The following GMDS variants were observed in gnomAD, a reference collection of about 807,000 sequenced individuals.
GMDS encodes the protein GDP-mannose 4,6 dehydratase.
A neutral mutation model predicts 49.9 loss-of-function variants in GMDS; 20 were observed. The observed-to-expected ratio is 0.40, with a 90% CI of 0.28 to 0.58. The LOEUF (loss-of-function observed/expected upper bound fraction) is 0.58. Among genes scored for constraint, GMDS ranks in the 20% least tolerant of loss-of-function variants. The probability of loss-of-function intolerance (pLI) is 0.42; values close to 1 mark genes in which losing one functional copy is unlikely to be tolerated. For synonymous variants in GMDS, 177 were observed against 178.6 expected (o/e 0.99, Z 0.07); for missense variants, 362 against 481.4 (o/e 0.75, Z 2.32).
At chr6:2,073,547 A>G (rs73716932) in intron 4 of GMDS, among the ~76,000 whole-genome samples, 7,021 of 152,180 alleles carry the variant, frequency 0.046, 534 homozygotes, top group African/African-American at 0.16. Context: ...TATACAACAC[A>G]TTGTCACTAA....
At chr6:1,827,078 ATGTGTGTGTGTGTGTGTGTGTG>A (rs111813765) in intron 7 of GMDS, among the ~76,000 whole-genome samples, 3 of 125,230 alleles carry the variant, frequency 2.4e-5, no homozygotes, top group Admixed American at 1.7e-4. Context: ...AAAAATATAT[ATGTGTGTGTGTGTGTGTGTGTG>A]TGTGTGTGTG....
chr6:1,981,061 T>C (rs576735154), intron 4 of GMDS, among the ~76,000 whole-genome samples: 16 of 152,248 alleles, frequency 1.1e-4, no homozygotes, highest in Non-Finnish European at 2.4e-4. Flanking sequence ...GAAAAATTCA[T>C]AGCACTAAAT....
At chr6:1,645,292 C>A (rs1229123899) in intron 9 of GMDS, among the ~76,000 whole-genome samples, 2 of 152,158 alleles carry the variant, frequency 1.3e-5, no homozygotes, top group Admixed American at 1.3e-4. Context: ...GAATGCAAGC[C>A]CCCCATGGGC....
chr6:2,008,631 A>G (rs563268904), intron 4 of GMDS, among the ~76,000 whole-genome samples: 1 of 152,248 alleles, frequency 6.6e-6, no homozygotes, highest in Admixed American at 6.5e-5. Flanking sequence ...ATAACAGACA[A>G]TTAAGGAGCT....
intron 7 of GMDS, among the ~76,000 whole-genome samples, chr6:1,861,350 C>G (rs1758173484): frequency 6.6e-6 from 1 of 152,158 alleles, no homozygotes; most frequent in African/African-American, 2.4e-5. Flanking sequence ...GCATAATGAA[C>G]AAACAGGACT....
At chr6:1,898,807 T>G (rs1255257227) in intron 7 of GMDS, among the ~76,000 whole-genome samples, 1 of 152,162 alleles carries the variant, frequency 6.6e-6, no homozygotes. Context: ...ATCTAAGAGA[T>G]ATTCCTTCCC....
intron 7 of GMDS, among the ~76,000 whole-genome samples, chr6:1,784,154 T>G (rs1441675265): frequency 6.6e-6 from 1 of 152,028 alleles, no homozygotes; most frequent in Non-Finnish European, 1.5e-5. Flanking sequence ...AGTATAATAA[T>G]ATGGGACAGA....
chr6:1,920,749 AAAG>A (rs1761675897), intron 7 of GMDS, among the ~76,000 whole-genome samples: 1 of 152,210 alleles, frequency 6.6e-6, no homozygotes, highest in South Asian at 2.1e-4. Context: ...GACGTCAGTG[AAAG>A]AAGAGACAGG....
chr6:1,763,771 G>T (rs559779715), intron 7 of GMDS, among the ~76,000 whole-genome samples: 57 of 152,314 alleles, frequency 3.7e-4, no homozygotes, highest in Non-Finnish European at 5.1e-4. Context: ...CCATTGGTAC[G>T]AATCTGTCTC....
intron 4 of GMDS, among the ~76,000 whole-genome samples, chr6:1,997,507 C>CA (rs542421435): frequency 0.33 from 20,359 of 61,272 alleles, 3,051 homozygotes; most frequent in Non-Finnish European, 0.38. Context: ...GACTCTGTCT[C>CA]AAAAAAAAAA....
intron 7 of GMDS, among the ~76,000 whole-genome samples, chr6:1,755,520 A>C (rs1767907369): frequency 6.8e-6 from 1 of 147,694 alleles, no homozygotes; most frequent in South Asian, 2.3e-4. Context: ...ATTAGAAAAA[A>C]CTACTTTAAA....
At chr6:2,071,202 T>C (rs779607298) in intron 4 of GMDS, among the ~76,000 whole-genome samples, 2 of 152,158 alleles carry the variant, frequency 1.3e-5, no homozygotes, top group African/African-American at 2.4e-5. Flanking sequence ...AAACGTCAAA[T>C]CCTAAATTCC....
intron 7 of GMDS, among the ~76,000 whole-genome samples, chr6:1,765,687 C>T (rs912336710): frequency 3.9e-5 from 6 of 152,138 alleles, no homozygotes; most frequent in East Asian, 1.9e-4. Context: ...GCCAGTTTTC[C>T]ACCCAATCTA....
intron 4 of GMDS, among the ~76,000 whole-genome samples, chr6:2,069,283 C>T (rs193284118): frequency 2.0e-5 from 3 of 152,222 alleles, no homozygotes; most frequent in Admixed American, 6.5e-5. Flanking sequence ...GGATTAAAGA[C>T]TTAAACGTTA....
At chr6:1,782,168 T>A (rs2113612975) in intron 7 of GMDS, among the ~76,000 whole-genome samples, 1 of 152,314 alleles carries the variant, frequency 6.6e-6, no homozygotes, top group South Asian at 2.1e-4. Context: ...GTCCAATTCT[T>A]TCATTTACTA....
chr6:1,949,983 C>T (rs1318242921), intron 6 of GMDS, among the ~76,000 whole-genome samples: 1 of 152,158 alleles, frequency 6.6e-6, no homozygotes, highest in African/African-American at 2.4e-5. Context: ...AAGGTATTTG[C>T]TATTGGTTTG....
intron 9 of GMDS, among the ~76,000 whole-genome samples, chr6:1,703,235 C>G (rs546066995): frequency 2.8e-4 from 43 of 152,160 alleles, no homozygotes; most frequent in South Asian, 2.1e-3. Flanking sequence ...TCACTTTGTT[C>G]TCTCTCTCTG....
At chr6:1,940,405 C>A (rs1762767935) in intron 6 of GMDS, among the ~76,000 whole-genome samples, 1 of 152,224 alleles carries the variant, frequency 6.6e-6, no homozygotes, top group South Asian at 2.1e-4. Flanking sequence ...CCCACATGAA[C>A]CTCCGCCTTG....
At chr6:1,653,489 G>T (rs748727969) in intron 9 of GMDS, among the ~76,000 whole-genome samples, 2 of 152,178 alleles carry the variant, frequency 1.3e-5, no homozygotes, top group African/African-American at 4.8e-5. Context: ...ATAGCCAGAA[G>T]AATTTTGAAA....
Sources: allele counts gnomAD v4.1 joint callset (sites outside exome capture counted in the v4.1 genomes callset), GRCh38; gene constraint gnomAD v4.1.1; transcripts MANE v1.5; gene names NCBI Gene and HGNC (gene_info 2026-07-23, HGNC 2026-07-21).